Variants in ADARB2 observed in about 807,000 individuals in gnomAD.
ADARB2 encodes inactive double-stranded RNA-specific editase B2.
A neutral mutation model predicts 62.2 loss-of-function variants in ADARB2; 25 were observed. That is an observed-to-expected ratio of 0.40 (90% CI 0.29 to 0.56). ADARB2 has a LOEUF of 0.56. ADARB2 is among the 20% of genes least tolerant of loss of function. The pLI is 0.43. For missense variants in ADARB2, 1,071 were observed against 1,077.4 expected (o/e 0.99, Z 0.08); for synonymous variants, 572 against 500.8 (o/e 1.14, Z -1.90).
At position 1,409,241 on chromosome 10, in the gene ADARB2, A is replaced by G. The variant is rs139481834; in HGVS notation, c.101-30081T>C. 4.4e-5 allele frequency among the ~76,000 whole-genome samples: 4 copies of G among 89,916 alleles called. No homozygotes were observed. In the East Asian group the frequency reaches 1.7e-3, roughly 38 times the overall value. The allele number at this position is 89,916 out of a possible 152,430, so 59.0% of individuals were successfully genotyped here. On this transcript the variant is annotated intron_variant, in intron 1 of 9. Transcript: ENST00000381312. Reference sequence around the variant, plus strand: ...CCTTCGTCGCCCCGCCCTGCCTGACAGCGGGCTCCCACCTTCGTCGCCCCG... The same window carrying G: ...CCTTCGTCGCCCCGCCCTGCCTGACGGCGGGCTCCCACCTTCGTCGCCCCG...
chr10:1,547,102 T>G (rs1275206559), intron 1 of ADARB2, among the ~76,000 whole-genome samples: 1 of 152,264 alleles, frequency 6.6e-6, no homozygotes, highest in Non-Finnish European at 1.5e-5. Context: ...GATAAGATAC[T>G]GTGGCCTGTC....
chr10:1,434,316 A>G (rs1830812157), intron 1 of ADARB2, among the ~76,000 whole-genome samples: 1 of 152,214 alleles, frequency 6.6e-6, no homozygotes. Context: ...TGCGTTTTAA[A>G]TGGAGGTGTC....
At chr10:1,306,762 G>C (rs192173496) in intron 3 of ADARB2, among the ~76,000 whole-genome samples, 4,690 of 146,992 alleles carry the variant, frequency 0.032, 114 homozygotes, top group South Asian at 0.036. Context: ...GAACAGAGCC[G>C]TCAGAAATAA....
chr10:1,560,465 C>G (rs539837436), intron 1 of ADARB2, among the ~76,000 whole-genome samples: 1 of 83,430 alleles, frequency 1.2e-5, no homozygotes, highest in East Asian at 6.6e-4. Flanking sequence ...CGTGAACACA[C>G]GGGGGGCACC....
chr10:1,615,283 C>T (rs193180524), intron 1 of ADARB2, among the ~76,000 whole-genome samples: 23 of 152,236 alleles, frequency 1.5e-4, no homozygotes, highest in East Asian at 5.8e-4. Context: ...CTTGCCTTCC[C>T]GCCCTGCCAT....
intron 3 of ADARB2, among the ~76,000 whole-genome samples, chr10:1,277,958 T>C (rs1831334750): frequency 2.5e-5 from 2 of 80,236 alleles, no homozygotes; most frequent in African/African-American, 6.2e-5. Context: ...CCTTCCCCTC[T>C]TTCTCTCTCT....
At chr10:1,280,636 G>A (rs1418030633) in intron 3 of ADARB2, among the ~76,000 whole-genome samples, 1 of 151,308 alleles carries the variant, frequency 6.6e-6, no homozygotes, top group Non-Finnish European at 1.5e-5. Context: ...GATGCTCCGT[G>A]AAATTCCTGA....
intron 1 of ADARB2, among the ~76,000 whole-genome samples, chr10:1,705,733 G>A (rs1050241820): frequency 3.0e-4 from 46 of 152,212 alleles, no homozygotes; most frequent in Non-Finnish European, 2.1e-4. Flanking sequence ...AGCGTGTGAG[G>A]CCTCTCAATA....
chr10:1,529,998 G>A (rs11250590), intron 1 of ADARB2, among the ~76,000 whole-genome samples: 5 of 91,734 alleles, frequency 5.5e-5, no homozygotes, highest in South Asian at 3.7e-4. Flanking sequence ...GTGGGCACCC[G>A]TCAACTGTCC....
chr10:1,363,154 G>A lies in ADARB2; in HGVS notation c.951C>T (p.Phe317=). Residue 317 remains phenylalanine, a synonymous_variant, in exon 3 of 10, where the codon TTC becomes TTT. Coordinates refer to ENST00000381312, the MANE Select transcript of ADARB2 (RefSeq NM_018702.4). ...GCTTCTTGCTGCGCCCCGAGCCCTC[G>A]AACGTCCTGCCGTCCACGCTCACGG... ...VMAVSVDGRT[F]EGSGRSKKLA... 1.9e-6 allele frequency: 3 copies of A among 1,546,314 alleles called. No homozygotes were observed. Among genetic ancestry groups the A allele is most frequent in the Non-Finnish European group, 1.7e-6 (2 of 1,155,510 alleles).
chr10:1,455,578 C>T (rs1564294006), intron 1 of ADARB2, among the ~76,000 whole-genome samples: 1 of 152,138 alleles, frequency 6.6e-6, no homozygotes, highest in Admixed American at 6.5e-5. Context: ...GTTTCTTTCT[C>T]TAAAAAAGTT....
At chr10:1,346,314 G>A (rs1217738808) in intron 3 of ADARB2, among the ~76,000 whole-genome samples, 1 of 152,182 alleles carries the variant, frequency 6.6e-6, no homozygotes, top group Non-Finnish European at 1.5e-5. Context: ...CTTGAGATTG[G>A]GAATAACGAG....
At chr10:1,343,567 G>C (rs1832051590) in intron 3 of ADARB2, among the ~76,000 whole-genome samples, 2 of 152,190 alleles carry the variant, frequency 1.3e-5, no homozygotes, top group Non-Finnish European at 2.9e-5. Flanking sequence ...AGACACACAG[G>C]CACGCGCATG....
intron 1 of ADARB2, among the ~76,000 whole-genome samples, chr10:1,383,789 C>G (rs974833655): frequency 1.3e-5 from 2 of 152,224 alleles, no homozygotes; most frequent in African/African-American, 2.4e-5. Flanking sequence ...TCAGCACGTC[C>G]CAGGCTTCCA....
chr10:1,483,389 G>C (rs1197770514), intron 1 of ADARB2, among the ~76,000 whole-genome samples: 1 of 152,230 alleles, frequency 6.6e-6, no homozygotes, highest in South Asian at 2.1e-4. Context: ...GGTGTAAGAA[G>C]TCACAGAATC....
chr10:1,718,919 A>G lies in ADARB2; in HGVS notation c.100+18132T>C, dbSNP rs17156825. Among the ~76,000 whole-genome samples the G allele has an allele frequency of 0.015, 2,222 of 152,158 alleles. 142 individuals carry two copies. The East Asian group carries it at 0.18, about 13-fold the overall frequency. ...AATTTACCTCGATTGTAGTGGTCAGATTTTCCTATTTTTCTTAGCTGTATA... is the reference window on the plus strand; with the variant it reads ...AATTTACCTCGATTGTAGTGGTCAGGTTTTCCTATTTTTCTTAGCTGTATA... On this transcript the variant is annotated intron_variant, in intron 1 of 9. Transcript: ENST00000381312.
intron 1 of ADARB2, among the ~76,000 whole-genome samples, chr10:1,643,098 A>C (rs1210086784): frequency 6.6e-6 from 1 of 152,164 alleles, no homozygotes; most frequent in Non-Finnish European, 1.5e-5. Context: ...AGGCACAGAC[A>C]CCCAAAGGCC....
chr10:1,348,283 T>C (rs955863410), intron 3 of ADARB2, among the ~76,000 whole-genome samples: 2 of 152,186 alleles, frequency 1.3e-5, no homozygotes, highest in African/African-American at 4.8e-5. Flanking sequence ...TTGCCTGTGC[T>C]CGTGGAAAGC....
chr10:1,672,225 A>G (rs17155575), intron 1 of ADARB2, among the ~76,000 whole-genome samples: 1,899 of 151,924 alleles, frequency 0.012, 30 homozygotes, highest in African/African-American at 0.044. Context: ...CCGTCTTTCA[A>G]CCTCCTTTGC....
Sources: gnomAD v4.1 joint callset for allele counts (sites outside exome capture counted in the v4.1 genomes callset) on GRCh38, gnomAD v4.1.1 for gene constraint, MANE v1.5 for transcripts, NCBI Gene and HGNC (gene_info 2026-07-23, HGNC 2026-07-21) for gene names.